ANO4: variants seen among roughly 807,000 people sequenced by gnomAD.
The protein encoded by ANO4 is anoctamin-4.
In ANO4, 69 loss-of-function variants were observed where a neutral mutation model predicts 141.9. That is an observed-to-expected ratio of 0.49 (90% confidence interval 0.40 to 0.59). ANO4 has a LOEUF of 0.59. Among genes scored for constraint, ANO4 ranks in the 20% least tolerant of loss-of-function variants. ANO4 has a pLI of 0.00. For synonymous variants in ANO4, 350 were observed against 394.3 expected (o/e 0.89, Z 1.33); for missense variants, 894 against 1,162.2 (o/e 0.77, Z 3.36).
intron 14 of ANO4, among the ~76,000 whole-genome samples, chr12:101,067,608 G>A (rs748673155): frequency 1.3e-5 from 2 of 152,202 alleles, no homozygotes; most frequent in Non-Finnish European, 2.9e-5. Flanking sequence ...ACTTGAACCT[G>A]GGAGGTAGAA....
At chr12:100,810,690 A>G (rs1355415218) in intron 1 of ANO4, among the ~76,000 whole-genome samples, 1 of 152,156 alleles carries the variant, frequency 6.6e-6, no homozygotes, top group Non-Finnish European at 1.5e-5. Flanking sequence ...AGGAAGTAAA[A>G]TGGGCAAGTG....
At chr12:101,080,332 A>G (rs1292044372) in intron 15 of ANO4, among the ~76,000 whole-genome samples, 7 of 151,968 alleles carry the variant, frequency 4.6e-5, no homozygotes, top group Non-Finnish European at 1.0e-4. Flanking sequence ...CCCTTCTCCC[A>G]TGAACATGTT....
chr12:100,979,455 G>C (rs2044351819), intron 7 of ANO4, among the ~76,000 whole-genome samples: 1 of 152,108 alleles, frequency 6.6e-6, no homozygotes, highest in South Asian at 2.1e-4. Context: ...CACATGTTGA[G>C]AACCATCACT....
chr12:101,105,847 A>G (rs2050417920), intron 22 of ANO4, among the ~76,000 whole-genome samples: 2 of 152,374 alleles, frequency 1.3e-5, no homozygotes, highest in South Asian at 4.1e-4. Flanking sequence ...GAGGCTGGGT[A>G]CGGTGGCCCA....
intron 1 of ANO4, among the ~76,000 whole-genome samples, chr12:100,868,346 C>A (rs1171802146): frequency 6.6e-6 from 1 of 152,138 alleles, no homozygotes; most frequent in Non-Finnish European, 1.5e-5. Flanking sequence ...CATTAGGTCC[C>A]AGCCCACGAG....
chr12:101,113,124 G>C (rs2050723643), intron 24 of ANO4, among the ~76,000 whole-genome samples: 1 of 152,150 alleles, frequency 6.6e-6, no homozygotes, highest in South Asian at 2.1e-4. Context: ...AGAATCACAA[G>C]GCATAGTAAC....
intron 3 of ANO4, among the ~76,000 whole-genome samples, chr12:100,755,350 AC>A (rs1408477433): frequency 6.6e-6 from 1 of 151,924 alleles, no homozygotes; most frequent in Admixed American, 6.6e-5. Context: ...GCTTCCTCAT[AC>A]CCCATGCTTC....
chr12:101,097,653 T>G lies in ANO4; in HGVS notation c.1853T>G (p.Phe618Cys). ...TFYIAFFLGR[F>C]TGHPGAYLRL... ...TTGTTTTTCTCTGTGTGTTGAAGATTTACAGGACACCCAGGTGCCTACTTG... is the reference window on the plus strand; with the variant it reads ...TTGTTTTTCTCTGTGTGTTGAAGATGTACAGGACACCCAGGTGCCTACTTG... The change falls in exon 20 of 28, where the codon TTT becomes TGT. Residue 618 changes from phenylalanine (F) to cysteine (C), a missense_variant and splice_region_variant. Transcript: ENST00000392977. The G allele has an allele frequency of 6.2e-7, 1 of 1,613,710 alleles. No homozygotes were observed. Among genetic ancestry groups the G allele is most frequent in the Non-Finnish European group, 8.5e-7 (1 of 1,179,764 alleles).
At chr12:100,846,137 G>A (rs994366364) in intron 1 of ANO4, among the ~76,000 whole-genome samples, 9 of 152,196 alleles carry the variant, frequency 5.9e-5, no homozygotes, top group Admixed American at 1.3e-4. Flanking sequence ...CTAGCAAGGC[G>A]TCTAGCACAT....
chr12:100,723,784 C>G (rs1423428789), intron 1 of ANO4, among the ~76,000 whole-genome samples: 4 of 152,100 alleles, frequency 2.6e-5, no homozygotes, highest in Non-Finnish European at 4.4e-5. Flanking sequence ...CCCAAATGCC[C>G]CATCCCCAAA....
At chr12:100,750,194 G>T (rs147868732) in intron 3 of ANO4, among the ~76,000 whole-genome samples, 186 of 151,758 alleles carry the variant, frequency 1.2e-3, no homozygotes, top group African/African-American at 4.2e-3. Flanking sequence ...TAGTGCAGTG[G>T]CATGATCTTG....
chr12:100,790,460 A>G (rs1056752464), upstream of ANO4, among the ~76,000 whole-genome samples: 8 of 152,326 alleles, frequency 5.3e-5, no homozygotes, highest in Admixed American at 2.0e-4. Flanking sequence ...GAAGAAGTTT[A>G]GAGGTAACAT....
chr12:100,845,113 T>G (rs1343632525), intron 1 of ANO4, among the ~76,000 whole-genome samples: 2 of 152,086 alleles, frequency 1.3e-5, no homozygotes, highest in Non-Finnish European at 2.9e-5. Context: ...AGTGGCCAGA[T>G]GGAAGTCATT....
At chr12:100,884,604 T>C (rs1054847606) in intron 1 of ANO4, among the ~76,000 whole-genome samples, 4 of 152,210 alleles carry the variant, frequency 2.6e-5, no homozygotes. Context: ...GTGAGTTAGA[T>C]GTCTGGTGCA....
intron 1 of ANO4, among the ~76,000 whole-genome samples, chr12:100,812,670 A>T (rs546981269): frequency 6.6e-6 from 1 of 152,302 alleles, no homozygotes; most frequent in East Asian, 1.9e-4. Flanking sequence ...CAGAGGGAAA[A>T]GAACAGGCTT....
intron 2 of ANO4, among the ~76,000 whole-genome samples, chr12:100,914,558 C>A (rs2041250642): frequency 6.6e-6 from 1 of 152,202 alleles, no homozygotes; most frequent in East Asian, 1.9e-4. Context: ...GAAGCATCTT[C>A]TATTGTGAAG....
At position 101,040,026 on chromosome 12, in the gene ANO4, C is replaced by T; in HGVS notation, c.969C>T (p.Cys323=). 6.2e-7 allele frequency: 1 copy of T among 1,613,388 alleles called. No individual in the cohort carries two copies. The highest frequency in any genetic ancestry group is 8.5e-7 in the Non-Finnish European group (1 of 1,179,448). The change falls in exon 11 of 28, where the codon TGC becomes TGT. Residue 323 remains cysteine (C), a synonymous_variant. Transcript: ENST00000392977. ...AENHRHLLYE[C]WASWGVWYKY... ...ACCACCGACATCTACTCTATGAGTG[C>T]TGGGCCTCCTGGGGCGTGTGGTATA...
At chr12:101,081,549 G>T (rs1172796273) in intron 15 of ANO4, among the ~76,000 whole-genome samples, 1 of 152,198 alleles carries the variant, frequency 6.6e-6, no homozygotes, top group Non-Finnish European at 1.5e-5. Flanking sequence ...TTGTGGAAAT[G>T]CCTCACTTCT....
chr12:100,913,647 G>T (rs747091106), intron 2 of ANO4, among the ~76,000 whole-genome samples: 1 of 152,206 alleles, frequency 6.6e-6, no homozygotes, highest in Admixed American at 6.5e-5. Flanking sequence ...GGGGGTCTTG[G>T]AATGTATCCG....
Sources: gnomAD v4.1 joint callset for allele counts (sites outside exome capture counted in the v4.1 genomes callset) on GRCh38, gnomAD v4.1.1 for gene constraint, MANE v1.5 for transcripts, NCBI Gene and HGNC (gene_info 2026-07-23, HGNC 2026-07-21) for gene names.